Variants in MTG2 observed in about 807,000 individuals in gnomAD.
MTG2 encodes the protein mitochondrial ribosome-associated GTPase 2.
MTG2 carries 23 observed loss-of-function variants against 28.6 expected under a neutral mutation model. That is an observed-to-expected ratio of 0.80 (90% CI 0.58 to 1.14). The LOEUF is 1.14. Among genes scored for constraint, MTG2 ranks in the 50% most tolerant of loss-of-function variants. The pLI is 0.00. For missense variants in MTG2, 539 were observed against 552.0 expected (o/e 0.98, Z 0.24); for synonymous variants, 260 against 251.8 (o/e 1.03, Z -0.31).
chr20:62,195,032 T>C (rs1393279325), intron 2 of MTG2, among the ~76,000 whole-genome samples: 1 of 152,132 alleles, frequency 6.6e-6, no homozygotes, highest in Admixed American at 6.5e-5. Context: ...CCGTCTCTAC[T>C]AAAAATACAA....
In MTG2 at chr20:62,193,427, C is replaced by G; in HGVS notation, c.7C>G (p.Pro3Ala). 3 of 1,614,180 alleles carry G rather than the reference C, an allele frequency of 1.9e-6. No individual in the cohort carries two copies. The highest frequency in any genetic ancestry group is 2.5e-6 in the Non-Finnish European group (3 of 1,180,028). ...TTTGACTTCTGTAGGGGCCATGGCA[C>G]CTGCAAGGTGTTTCTCAGCAAGATT... MA[P>A]ARCFSARLRT... The change falls in exon 2 of 7, where the codon CCT becomes GCT. Residue 3 changes from proline to alanine, a missense_variant. Physicochemically the swap from Pro to Ala is conservative, Grantham distance 27. Transcript: ENST00000370823.
chr20:62,201,253 C>A lies in MTG2; in HGVS notation c.*176C>A. On this transcript the variant is annotated 3_prime_UTR_variant, in exon 7 of 7. Coordinates refer to ENST00000370823, the MANE Select transcript of MTG2 (RefSeq NM_015666.4). ...CATGTTGGGAAGCATTCCGTGCCCC[C>A]TACCCCGCCTGCCCTCCGTATTTCC... 1 of 742,768 alleles carries A rather than the reference C, an allele frequency of 1.3e-6. No homozygotes were observed. Among genetic ancestry groups the A allele is most frequent in the Non-Finnish European group, 2.1e-6 (1 of 470,938 alleles). The allele number at this position is 742,768 out of a possible 1,614,324, so 46.0% of individuals were successfully genotyped here. A position where few individuals can be genotyped will look rare whatever the true frequency, so the allele number is the denominator to read the frequency against.
intron 1 of MTG2, among the ~76,000 whole-genome samples, 173 bp downstream of exon 1, chr20:62,183,230 C>T (rs1245778209): frequency 6.6e-6 from 1 of 152,080 alleles, no homozygotes; most frequent in Non-Finnish European, 1.5e-5. Flanking sequence ...CCCGGCGGGA[C>T]CGAGCGCTGC....
rs760726538 is a variant in MTG2, at chr20:62,201,104, G to C, written c.*27G>C. On this transcript the variant is annotated 3_prime_UTR_variant, in exon 7 of 7. Coordinates refer to ENST00000370823, the MANE Select transcript of MTG2 (RefSeq NM_015666.4). The stretch of plus-strand genomic sequence containing the variant: ...CACGCCAGAGCGGGGTCGCCTCTGG[G>C]CCTCTGTCTGAGCAAACCTGGGTGT... The C allele has an allele frequency of 2.1e-5, 33 of 1,550,344 alleles. No homozygotes were observed. The highest frequency in any genetic ancestry group is 2.8e-5 in the Non-Finnish European group (32 of 1,154,220).
chr20:62,191,194 G>A (rs1002244218), intron 1 of MTG2, among the ~76,000 whole-genome samples: 2 of 152,188 alleles, frequency 1.3e-5, no homozygotes, highest in African/African-American at 4.8e-5. Flanking sequence ...GCTGGCTCGG[G>A]AGTCAGGAGA....
chr20:62,193,618 A>G lies in MTG2; in HGVS notation c.198A>G (p.Lys66=), dbSNP rs757207426. 15 of 1,610,156 alleles carry G rather than the reference A, an allele frequency of 9.3e-6. No homozygotes were observed. The highest frequency in any genetic ancestry group is 1.2e-5 in the Non-Finnish European group (14 of 1,178,968). The change falls in exon 2 of 7, where the codon AAA becomes AAG. Residue 66 remains lysine (K), a synonymous_variant. Coordinates refer to ENST00000370823, the MANE Select transcript of MTG2 (RefSeq NM_015666.4). The part of the protein sequence containing the change: ...ELPGKKLLSE[K]KLKRYFVDYR... ...CGGGGAAGAAGCTGCTCTCTGAGAA[A>G]AAGCTGGTGAGACTCCTGGAGTTAG... is the stretch of plus-strand genomic sequence containing the variant.
chr20:62,194,538 CATG>C (rs1172042675), intron 2 of MTG2, among the ~76,000 whole-genome samples: 3 of 152,220 alleles, frequency 2.0e-5, no homozygotes, highest in Non-Finnish European at 2.9e-5. Flanking sequence ...GGTTTTCCCA[CATG>C]GTGGTGCCAA....
rs776547523 is a variant in MTG2 at position 62,199,170 on chromosome 20, G to A, written c.739G>A (p.Ala247Thr). Residue 247 changes from alanine (A) to threonine (T), a missense_variant, in exon 6 of 7, where the codon GCC becomes ACC. Ala to Thr is a moderately conservative substitution (Grantham distance 58). Transcript: ENST00000370823. ...KSSLLRAISN[A>T]RPAVASYPFT... ...CTCACTGCTCCGGGCCATTTCAAACGCCAGACCCGCCGTGGCTTCCTACCC... is the reference window on the plus strand; with the variant it reads ...CTCACTGCTCCGGGCCATTTCAAACACCAGACCCGCCGTGGCTTCCTACCC... 9 of 1,613,898 alleles carry A rather than the reference G, an allele frequency of 5.6e-6. No individual in the cohort carries two copies. The highest frequency in any genetic ancestry group is 2.2e-5 in the East Asian group (1 of 44,890).
chr20:62,197,045 A>G (rs937588084), intron 3 of MTG2, among the ~76,000 whole-genome samples: 1 of 152,034 alleles, frequency 6.6e-6, no homozygotes, highest in African/African-American at 2.4e-5. Flanking sequence ...AAAAATAAAA[A>G]CATAAAACAT....
chr20:62,184,134 A>G (rs769151243), intron 1 of MTG2, among the ~76,000 whole-genome samples: 17 of 152,276 alleles, frequency 1.1e-4, no homozygotes, highest in Admixed American at 2.0e-4. Context: ...CAAGGCGGGC[A>G]GATCACGAGG....
intron 1 of MTG2, among the ~76,000 whole-genome samples, chr20:62,186,772 G>A (rs980639176): frequency 1.3e-5 from 2 of 151,766 alleles, no homozygotes; most frequent in African/African-American, 2.4e-5. Context: ...CAAATGATCC[G>A]CCCACCTCGG....
intron 6 of MTG2, 129 bp downstream of exon 6, chr20:62,199,386 C>G: frequency 2.5e-6 from 3 of 1,201,216 alleles, no homozygotes; most frequent in East Asian, 2.6e-5. Flanking sequence ...TGGCTCACAC[C>G]TGTAACCCCA....
chr20:62,186,273 A>C (rs1259219588), intron 1 of MTG2, among the ~76,000 whole-genome samples: 6 of 152,206 alleles, frequency 3.9e-5, no homozygotes, highest in African/African-American at 1.4e-4. Flanking sequence ...ACAGAGTTTT[A>C]TGAGGACTGA....
chr20:62,183,364 T>C (rs1251275689), intron 1 of MTG2, among the ~76,000 whole-genome samples: 3 of 152,244 alleles, frequency 2.0e-5, no homozygotes, highest in Non-Finnish European at 4.4e-5. Context: ...GGTGGTGCTC[T>C]GTCACGGGAT....
rs115820325 is a variant in MTG2 at position 62,190,137 on chromosome 20, G to A, written c.-5-3279G>A. On this transcript the variant is annotated intron_variant, in intron 1 of 6. Coordinates refer to ENST00000370823, the MANE Select transcript of MTG2 (RefSeq NM_015666.4). ...CTTTTCGGATCTGTGTCTTTGTGTT[G>A]TGTCTTAGTCATTGCTCTGGAGGTT... Among the ~76,000 whole-genome samples the A allele has an allele frequency of 2.9e-3, 448 of 152,156 alleles. 2 individuals are homozygous for A. The highest frequency in any genetic ancestry group is 0.01 in the African/African-American group (431 of 41,500).
intron 2 of MTG2, 112 bp downstream of exon 2, chr20:62,193,736 A>G: frequency 9.8e-7 from 1 of 1,020,886 alleles, no homozygotes; most frequent in Non-Finnish European, 1.4e-6. Context: ...TGATGATCTT[A>G]GTGATGGGGC....
Position 62,199,247 on chromosome 20 carries a change from A to G in MTG2, c.816A>G (p.Leu272=). 2 of 1,611,484 alleles carry G rather than the reference A, an allele frequency of 1.2e-6. No homozygotes were observed. The highest frequency in any genetic ancestry group is 1.1e-5 in the South Asian group (1 of 91,044). The change falls in exon 6 of 7, where the codon CTA becomes CTG. Residue 272 remains leucine (L), a synonymous_variant. Coordinates refer to ENST00000370823, the MANE Select transcript of MTG2 (RefSeq NM_015666.4). The part of the protein sequence containing the change: ...HVGIVHYEGH[L]QIAVADIPGI... ...GGATCGTCCACTACGAAGGCCACCT[A>G]CAAATAGCAGGTAGAACTTCCAGAA...
At chr20:62,200,271 T>G in intron 6 of MTG2, 1 of 160,484 alleles carries the variant, frequency 6.2e-6, no homozygotes, top group Non-Finnish European at 1.4e-5. Flanking sequence ...AGCCTGCTGG[T>G]AAGGTTATTT....
chr20:62,186,199 A>G (rs1380678548), intron 1 of MTG2, among the ~76,000 whole-genome samples: 2 of 152,168 alleles, frequency 1.3e-5, no homozygotes, highest in African/African-American at 4.8e-5. Flanking sequence ...CTCTGGGTTA[A>G]GTCTCTTCAC....
Sources: gnomAD v4.1 joint callset for allele counts (sites outside exome capture counted in the v4.1 genomes callset) on GRCh38, gnomAD v4.1.1 for gene constraint, MANE v1.5 for transcripts, NCBI Gene and HGNC (gene_info 2026-07-23, HGNC 2026-07-21) for gene names.